STXBP6: variants seen among roughly 807,000 people sequenced by gnomAD.
STXBP6 encodes the protein syntaxin binding protein 6.
A neutral mutation model predicts 26.9 loss-of-function variants in STXBP6; 21 were observed. The observed-to-expected ratio is 0.78, with a 90% CI of 0.55 to 1.12. The LOEUF (loss-of-function observed/expected upper bound fraction) is 1.12. Among genes scored for constraint, STXBP6 ranks in the 50% most tolerant of loss-of-function variants. STXBP6 has a pLI of 0.00. For synonymous variants in STXBP6, 97 were observed against 92.6 expected (o/e 1.05, Z -0.27); for missense variants, 232 against 257.9 (o/e 0.90, Z 0.69).
intron 1 of STXBP6, among the ~76,000 whole-genome samples, chr14:25,044,848 G>A (rs754531733): frequency 2.0e-5 from 3 of 152,164 alleles, no homozygotes; most frequent in Non-Finnish European, 2.9e-5. Context: ...AGGCACAAAT[G>A]CAAGTCTTTA....
At chr14:24,880,267 G>C (rs1321813283) in intron 2 of STXBP6, among the ~76,000 whole-genome samples, 4 of 152,084 alleles carry the variant, frequency 2.6e-5, no homozygotes, top group African/African-American at 7.2e-5. Flanking sequence ...TTTGCTTCTG[G>C]TGTTGAAAAA....
chr14:25,031,565 C>T (rs2075455377), intron 1 of STXBP6, among the ~76,000 whole-genome samples: 1 of 152,086 alleles, frequency 6.6e-6, no homozygotes, highest in South Asian at 2.1e-4. Context: ...CTTTTTAAAA[C>T]ATCAAAGAAA....
chr14:25,047,780 G>T (rs529028308), intron 1 of STXBP6, among the ~76,000 whole-genome samples: 5 of 152,294 alleles, frequency 3.3e-5, no homozygotes, highest in South Asian at 4.1e-4. Flanking sequence ...ATTGATACTG[G>T]CTTTTAATCT....
intron 1 of STXBP6, among the ~76,000 whole-genome samples, chr14:24,976,970 C>G (rs1047455049): frequency 7.0e-6 from 1 of 143,352 alleles, no homozygotes; most frequent in Non-Finnish European, 1.5e-5. Flanking sequence ...TCAATCGATT[C>G]TACTGCCTCA....
At chr14:24,948,380 T>C (rs1304939172) in intron 2 of STXBP6, among the ~76,000 whole-genome samples, 1 of 152,062 alleles carries the variant, frequency 6.6e-6, no homozygotes, top group Non-Finnish European at 1.5e-5. Flanking sequence ...TCTGATGTTT[T>C]GCACAGAGAA....
rs2072937548 is a variant in STXBP6 at position 24,945,139 on chromosome 14, A to ATATTTTTTTTT, written c.154+29525_154+29526insAAAAAAAAATA. Among the ~76,000 whole-genome samples the ATATTTTTTTTT allele has an allele frequency of 2.9e-4, 29 of 100,720 alleles. 1 individual carries two copies. The highest frequency in any genetic ancestry group is 1.0e-3 in the African/African-American group (28 of 27,542). The allele number at this position is 100,720 out of a possible 152,430, so 66.1% of individuals were successfully genotyped here. On this transcript the variant is annotated intron_variant, in intron 2 of 5. Transcript: ENST00000323944. ...TGGCATGTATATGAACCAATTAGGAATTTTTTTTTTTTTTTTTTTTTTTTT... is the reference window on the plus strand; with the variant it reads ...TGGCATGTATATGAACCAATTAGGAATATTTTTTTTTTTTTTTTTTTTTTTTTTTTTTTTTT...
chr14:24,944,625 C>T (rs1272100791), intron 2 of STXBP6, among the ~76,000 whole-genome samples: 5 of 152,104 alleles, frequency 3.3e-5, no homozygotes, highest in Non-Finnish European at 7.3e-5. Flanking sequence ...GTTTGCCTAC[C>T]TAAGTTGTTA....
chr14:24,864,854 T>TA (rs2069663707), intron 2 of STXBP6, among the ~76,000 whole-genome samples: 1 of 152,080 alleles, frequency 6.6e-6, no homozygotes, highest in Admixed American at 6.6e-5. Flanking sequence ...TCTTTAGTAT[T>TA]TTTCATCATA....
chr14:24,822,209 C>T (rs1481549612), intron 4 of STXBP6, among the ~76,000 whole-genome samples: 1 of 152,066 alleles, frequency 6.6e-6, no homozygotes. Flanking sequence ...GCAAACAACC[C>T]CAATATCTGC....
intron 2 of STXBP6, among the ~76,000 whole-genome samples, chr14:24,915,392 T>C (rs542715022): frequency 2.0e-5 from 3 of 152,168 alleles, no homozygotes; most frequent in African/African-American, 4.8e-5. Context: ...ACTGAAACAA[T>C]GGACTATTAC....
intron 2 of STXBP6, among the ~76,000 whole-genome samples, chr14:24,926,240 C>CT (rs2072163489): frequency 6.6e-6 from 1 of 152,048 alleles, no homozygotes; most frequent in Admixed American, 6.6e-5. Context: ...AAAAGCCTTG[C>CT]TAAAGGGAGC....
At chr14:25,039,915 G>A (rs1205918293) in intron 1 of STXBP6, among the ~76,000 whole-genome samples, 1 of 151,940 alleles carries the variant, frequency 6.6e-6, no homozygotes, top group African/African-American at 2.4e-5. Context: ...CACCATGTTG[G>A]CCAGGCTGGT....
intron 1 of STXBP6, among the ~76,000 whole-genome samples, chr14:25,003,770 C>A (rs1262946832): frequency 1.3e-5 from 2 of 151,990 alleles, no homozygotes; most frequent in Non-Finnish European, 2.9e-5. Flanking sequence ...ACTCCTGTTA[C>A]TGGCCAAGGC....
At chr14:24,933,248 G>A (rs929727673) in intron 2 of STXBP6, among the ~76,000 whole-genome samples, 2 of 152,250 alleles carry the variant, frequency 1.3e-5, no homozygotes, top group Admixed American at 1.3e-4. Flanking sequence ...AGGCTGAGGT[G>A]GGAGGATCCC....
rs916116393 is a variant in STXBP6, at chr14:24,857,029, C to A, written c.283G>T (p.Gly95Trp). The A allele has an allele frequency of 1.2e-6, 2 of 1,612,532 alleles. No individual in the cohort carries two copies. Among genetic ancestry groups the A allele is most frequent in the Non-Finnish European group, 1.7e-6 (2 of 1,178,970 alleles). ...LRQVNGIDPN[G>W]DSAEFDLLFE... ...TCAGCATTGGACAATTCACTCACCC[C>A]ATTAGGATCGATACCATTAACCTGG... Residue 95 changes from glycine (G) to tryptophan (W), a missense_variant and splice_region_variant, in exon 3 of 6, where the codon GGG (glycine) becomes TGG (tryptophan). Gly to Trp is a radical substitution (Grantham distance 184, BLOSUM62 -2). Coordinates refer to ENST00000323944, the MANE Select transcript of STXBP6 (RefSeq NM_001394410.1).
In STXBP6 at chr14:24,935,412, G is replaced by A. The variant is rs369040710; in HGVS notation, c.154+39253C>T. ...GAAAAAGAGATAAAAAGCAACATCC[G>A]TCCCCTGACCAAATAAATCCATATA... On this transcript the variant is annotated intron_variant, in intron 2 of 5. Transcript: ENST00000323944. 4.6e-5 allele frequency among the ~76,000 whole-genome samples: 7 copies of A among 152,210 alleles called. No individual in the cohort carries two copies. In the East Asian group the frequency reaches 5.8e-4, roughly 13 times the overall value.
At chr14:25,040,352 A>G (rs190216755) in intron 1 of STXBP6, among the ~76,000 whole-genome samples, 8 of 152,340 alleles carry the variant, frequency 5.3e-5, no homozygotes, top group African/African-American at 1.9e-4. Context: ...TCTGCAACTC[A>G]GGAAAAGAGG....
chr14:24,879,712 G>A (rs938217514), intron 2 of STXBP6, among the ~76,000 whole-genome samples: 3 of 147,122 alleles, frequency 2.0e-5, no homozygotes, highest in African/African-American at 7.5e-5. Flanking sequence ...GCCTTTCCAC[G>A]TCGCCTTTCT....
chr14:24,868,956 C>T (rs535680975), intron 2 of STXBP6, among the ~76,000 whole-genome samples: 16 of 152,298 alleles, frequency 1.1e-4, no homozygotes, highest in African/African-American at 3.8e-4. Context: ...TTGCATATGT[C>T]AGGAAAATAA....
Sources: gnomAD v4.1 joint callset for allele counts (sites outside exome capture counted in the v4.1 genomes callset) on GRCh38, gnomAD v4.1.1 for gene constraint, MANE v1.5 for transcripts, NCBI Gene and HGNC (gene_info 2026-07-23, HGNC 2026-07-21) for gene names.